Variants in DACH1 observed in about 807,000 individuals in gnomAD.
The protein encoded by DACH1 is dachshund family transcription factor 1.
A neutral mutation model predicts 54.2 loss-of-function variants in DACH1; 12 were observed. That is an observed-to-expected ratio of 0.22 (90% CI 0.14 to 0.36). The LOEUF (loss-of-function observed/expected upper bound fraction) is 0.36, where lower values mean the gene tolerates loss of function less well. DACH1 is among the 10% of genes least tolerant of loss of function. DACH1 has a pLI of 1.00. For missense variants in DACH1, 805 were observed against 929.8 expected (o/e 0.87, Z 1.75); for synonymous variants, 386 against 366.2 (o/e 1.05, Z -0.62).
chr13:71,474,648 G>A (rs9592795), intron 10 of DACH1, among the ~76,000 whole-genome samples: 1,869 of 152,258 alleles, frequency 0.012, 14 homozygotes, highest in Middle Eastern at 0.037. Context: ...ATGGCATACA[G>A]AACATTTGGA....
At chr13:71,517,034 G>A (rs74095958) in intron 6 of DACH1, among the ~76,000 whole-genome samples, 251 of 151,680 alleles carry the variant, frequency 1.7e-3, no homozygotes, top group African/African-American at 4.8e-3. Flanking sequence ...CTTTATAAGC[G>A]TAAGTTTTCA....
intron 1 of DACH1, among the ~76,000 whole-genome samples, chr13:71,831,664 A>T (rs1888595692): frequency 6.6e-6 from 1 of 151,986 alleles, no homozygotes; most frequent in Non-Finnish European, 1.5e-5. Flanking sequence ...ACATACTGGG[A>T]TTGCTCCCAA....
At chr13:71,810,536 T>C (rs978768836) in intron 1 of DACH1, among the ~76,000 whole-genome samples, 1 of 152,136 alleles carries the variant, frequency 6.6e-6, no homozygotes, top group African/African-American at 2.4e-5. Context: ...AAAGTATAAG[T>C]AATAAAATAA....
intron 1 of DACH1, among the ~76,000 whole-genome samples, chr13:71,812,951 C>A (rs1489134675): frequency 6.6e-6 from 1 of 152,280 alleles, no homozygotes; most frequent in South Asian, 2.1e-4. Context: ...CAGCTTTTTG[C>A]AAGATGTGAA....
chr13:71,619,609 T>G (rs1049166178), intron 3 of DACH1, among the ~76,000 whole-genome samples: 2 of 151,922 alleles, frequency 1.3e-5, no homozygotes, highest in Admixed American at 1.3e-4. Context: ...TAGATATATC[T>G]ATATTTTCCC....
At chr13:71,794,793 C>T (rs1453209046) in intron 1 of DACH1, among the ~76,000 whole-genome samples, 4 of 152,054 alleles carry the variant, frequency 2.6e-5, no homozygotes, top group Admixed American at 6.6e-5. Context: ...AATTTTTAAC[C>T]CTCGAATTGA....
At chr13:71,632,059 G>T (rs994983578) in intron 2 of DACH1, among the ~76,000 whole-genome samples, 2 of 151,668 alleles carry the variant, frequency 1.3e-5, no homozygotes, top group Non-Finnish European at 2.9e-5. Flanking sequence ...GAGCACACTT[G>T]GGTGACAGAG....
intron 2 of DACH1, among the ~76,000 whole-genome samples, chr13:71,633,973 T>C (rs79719886): frequency 1.2e-5 from 1 of 82,884 alleles, no homozygotes; most frequent in Admixed American, 1.5e-4. Flanking sequence ...TTTTCTTCCT[T>C]TTTTTTTTTT....
At chr13:71,782,066 G>A (rs2138069046) in intron 1 of DACH1, among the ~76,000 whole-genome samples, 1 of 152,080 alleles carries the variant, frequency 6.6e-6, no homozygotes, top group East Asian at 1.9e-4. Flanking sequence ...AGACCCTTAA[G>A]TTTCAGGCAA....
intron 1 of DACH1, among the ~76,000 whole-genome samples, chr13:71,840,938 A>G (rs1184344426): frequency 6.6e-6 from 1 of 152,164 alleles, no homozygotes; most frequent in African/African-American, 2.4e-5. Flanking sequence ...GGAAACACAA[A>G]AAGTTCTTAG....
At chr13:71,590,660 A>C (rs1396721430) in intron 3 of DACH1, among the ~76,000 whole-genome samples, 1 of 152,162 alleles carries the variant, frequency 6.6e-6, no homozygotes, top group Non-Finnish European at 1.5e-5. Flanking sequence ...AAAGTTTAGT[A>C]AATATTCCTG....
chr13:71,859,499 T>G (rs1874218470), intron 1 of DACH1, among the ~76,000 whole-genome samples: 7 of 151,828 alleles, frequency 4.6e-5, no homozygotes, highest in Non-Finnish European at 5.9e-5. Context: ...ACAATGACCT[T>G]TTTATTGATT....
chr13:71,472,697 CTG>C lies in DACH1; in HGVS notation c.2083+2442_2083+2443del, dbSNP rs577456626. Among the ~76,000 whole-genome samples, 457 of 152,212 alleles carry C rather than the reference CTG, an allele frequency of 3.0e-3. 3 individuals carry two copies. Among genetic ancestry groups the C allele is most frequent in the Non-Finnish European group, 5.1e-3 (347 of 68,012 alleles). On this transcript the variant is annotated intron_variant, in intron 10 of 10. Coordinates refer to ENST00000613252, the MANE Select transcript of DACH1 (RefSeq NM_080759.6). Reference sequence around the variant, plus strand: ...GAGAGAAAGTGATGAGTGTGAGAGGCTGTGTGTGTGTCATTCTTGAATTGTGA... The same window carrying C: ...GAGAGAAAGTGATGAGTGTGAGAGGCTGTGTGTGTCATTCTTGAATTGTGA...
chr13:71,521,028 T>C (rs1156309853), intron 6 of DACH1, among the ~76,000 whole-genome samples: 1 of 152,032 alleles, frequency 6.6e-6, no homozygotes, highest in East Asian at 1.9e-4. Context: ...TTATTTTAAG[T>C]GAATAGCATT....
chr13:71,756,986 A>G (rs1049580899), intron 1 of DACH1, among the ~76,000 whole-genome samples: 3 of 151,926 alleles, frequency 2.0e-5, no homozygotes, highest in African/African-American at 7.3e-5. Context: ...CAAAAAACTC[A>G]TATACTGTGA....
intron 1 of DACH1, among the ~76,000 whole-genome samples, chr13:71,743,414 C>T (rs1376897275): frequency 3.3e-5 from 5 of 152,182 alleles, no homozygotes; most frequent in Admixed American, 3.3e-4. Context: ...TGTTTCTATA[C>T]AGCAGAATCA....
intron 3 of DACH1, among the ~76,000 whole-genome samples, chr13:71,624,088 G>A (rs975561093): frequency 1.3e-5 from 2 of 151,782 alleles, no homozygotes; most frequent in African/African-American, 4.8e-5. Flanking sequence ...GCCATAAATA[G>A]TAAATATTTA....
chr13:71,779,903 T>C (rs1364632125), intron 1 of DACH1, among the ~76,000 whole-genome samples: 11 of 152,108 alleles, frequency 7.2e-5, no homozygotes, highest in Non-Finnish European at 1.5e-4. Flanking sequence ...CCTACTATAT[T>C]GTGAGCTGAG....
intron 1 of DACH1, among the ~76,000 whole-genome samples, chr13:71,826,026 C>CCTT (rs1359157833): frequency 6.6e-6 from 1 of 152,016 alleles, no homozygotes; most frequent in Non-Finnish European, 1.5e-5. Context: ...GAGTCCACTG[C>CCTT]CTTTGGCATA....
Sources: gnomAD v4.1 joint callset for allele counts (sites outside exome capture counted in the v4.1 genomes callset) on GRCh38, gnomAD v4.1.1 for gene constraint, MANE v1.5 for transcripts, NCBI Gene and HGNC (gene_info 2026-07-23, HGNC 2026-07-21) for gene names.